The following MYBL2 variants were observed in gnomAD, a reference collection of about 807,000 sequenced individuals.
The protein encoded by MYBL2 is MYB proto-oncogene like 2, also known as myb-related protein B.
A neutral mutation model predicts 79.9 loss-of-function variants in MYBL2; 28 were observed. The ratio of observed to expected loss-of-function variants is 0.35; its 90% CI spans 0.26 to 0.48. The LOEUF is 0.48. Among genes scored for constraint, MYBL2 ranks in the 20% least tolerant of loss-of-function variants. MYBL2 has a pLI of 0.99. For missense variants in MYBL2, 735 were observed against 893.9 expected, an observed-to-expected ratio of 0.82 and a Z score of 2.27; for synonymous variants, 378 against 361.2, an observed-to-expected ratio of 1.05 and a Z score of -0.53.
At chr20:43,687,933 A>T (rs527383583) in intron 5 of MYBL2, among the ~76,000 whole-genome samples, 59 of 146,774 alleles carry the variant, frequency 4.0e-4, no homozygotes, top group Non-Finnish European at 6.7e-4. Context: ...AATTGCTTGA[A>T]CCCAGGAGGC....
chr20:43,679,118 A>G (rs928145013), intron 2 of MYBL2, among the ~76,000 whole-genome samples: 1 of 152,106 alleles, frequency 6.6e-6, no homozygotes, highest in Middle Eastern at 3.2e-3. Flanking sequence ...GGAAGCAGGT[A>G]AGAGCCTGGC....
rs1365223925 is a variant in MYBL2, at chr20:43,716,295, A to G, written c.*208A>G. 4.4e-6 allele frequency: 3 copies of G among 686,338 alleles called. No homozygotes were observed. The Admixed American group carries it at 1.0e-4, about 23-fold the overall frequency. 42.5% of individuals were successfully genotyped at this position (686,338 alleles called of 1,614,324 possible). ...GGGCGGCTCCTGGTGCTAACAACAAAGTTCCACTTCCAGGTCTGCCTGGTT... is the reference window on the plus strand; with the variant it reads ...GGGCGGCTCCTGGTGCTAACAACAAGGTTCCACTTCCAGGTCTGCCTGGTT... On this transcript the variant is annotated 3_prime_UTR_variant, in exon 14 of 14. Transcript: ENST00000217026.
chr20:43,688,427 C>G (rs1402560811), intron 5 of MYBL2, among the ~76,000 whole-genome samples: 1 of 152,022 alleles, frequency 6.6e-6, no homozygotes, highest in African/African-American at 2.4e-5. Context: ...GTCTCGAACT[C>G]TTGACCTCCT....
chr20:43,679,912 CAAA>C (rs3092365), intron 2 of MYBL2, among the ~76,000 whole-genome samples: 14 of 144,258 alleles, frequency 9.7e-5, no homozygotes, highest in Admixed American at 6.9e-5. Flanking sequence ...GACCCTATCT[CAAA>C]AAAAAAAAAA....
In MYBL2 at chr20:43,713,041, G is replaced by C; in HGVS notation, c.1759G>C (p.Ala587Pro). 6.2e-7 allele frequency: 1 copy of C among 1,613,266 alleles called. No homozygotes were observed. Among genetic ancestry groups the C allele is most frequent in the South Asian group, 1.1e-5 (1 of 90,726 alleles). The change falls in exon 12 of 14, where the codon GCT (alanine) becomes CCT (proline). Residue 587 changes from alanine to proline, a missense_variant. This residue lies in a region of MYBL2 where 204 missense variants were observed against 202.9 expected (regional missense o/e 1.01). Transcript: ENST00000217026. ...CATCAAGAAAGTCCGGAAGTCTCTGGCTCTTGACATTGTGGATGAGGATGT... is the reference window on the plus strand; with the variant it reads ...CATCAAGAAAGTCCGGAAGTCTCTGCCTCTTGACATTGTGGATGAGGATGT... The part of the protein sequence containing the change: ...SPIKKVRKSL[A>P]LDIVDEDVKL...
chr20:43,699,724 G>A (rs563412863), intron 6 of MYBL2, 33 bp from the exon 7 acceptor site: 13 of 1,609,636 alleles, frequency 8.1e-6, no homozygotes, highest in Admixed American at 3.4e-5. Flanking sequence ...ATATCTCAGC[G>A]AAATGCAAAT....
intron 13 of MYBL2, 53 bp downstream of exon 13, chr20:43,715,336 A>G: frequency 1.2e-6 from 2 of 1,609,840 alleles, no homozygotes; most frequent in Admixed American, 1.7e-5. Context: ...TTCTTAGCTC[A>G]GGGCTGAGTG....
At chr20:43,673,729 GC>G in intron 1 of MYBL2, 76 bp from the exon 2 acceptor site, 1 of 1,408,726 alleles carries the variant, frequency 7.1e-7, no homozygotes, top group South Asian at 1.2e-5. Context: ...GGGTGGGCTG[GC>G]CGCTGCCTAC....
Position 43,667,265 on chromosome 20 carries a change from C to CGCGGT in MYBL2, c.-18_-14dup. 1 of 1,222,304 alleles carries CGCGGT rather than the reference C, an allele frequency of 8.2e-7. No homozygotes were observed. The highest frequency in any genetic ancestry group is 1.0e-6 in the Non-Finnish European group (1 of 981,724). 75.7% of individuals were successfully genotyped at this position (1,222,304 alleles called of 1,614,324 possible). On this transcript the variant is annotated 5_prime_UTR_variant, in exon 1 of 14. Coordinates refer to ENST00000217026, the MANE Select transcript of MYBL2 (RefSeq NM_002466.4). ...TCTGCCGGCGGGCGGGCGAGCGCGG[C>CGCGGT]GCGGTCCGGGCCGGGGGGATGTCTC...
At chr20:43,697,593 A>T (rs1038851121) in intron 6 of MYBL2, among the ~76,000 whole-genome samples, 23 of 151,530 alleles carry the variant, frequency 1.5e-4, no homozygotes, top group African/African-American at 5.6e-4. Flanking sequence ...CCTGGGTAAC[A>T]GCAAGACTCT....
intron 2 of MYBL2, among the ~76,000 whole-genome samples, chr20:43,676,165 C>T (rs1275784850): frequency 4.6e-5 from 7 of 152,028 alleles, no homozygotes; most frequent in Non-Finnish European, 1.0e-4. Flanking sequence ...GTGATCTTCC[C>T]ACTTCAGCCT....
intron 6 of MYBL2, among the ~76,000 whole-genome samples, chr20:43,696,089 G>A (rs1239486775): frequency 2.0e-5 from 3 of 152,148 alleles, no homozygotes; most frequent in East Asian, 1.9e-4. Flanking sequence ...ATGTTAATTC[G>A]TGTATGGGAC....
At chr20:43,703,838 G>T (rs1240317382) in intron 8 of MYBL2, among the ~76,000 whole-genome samples, 1 of 152,160 alleles carries the variant, frequency 6.6e-6, no homozygotes, top group African/African-American at 2.4e-5. Context: ...GATTTGACAA[G>T]AAATTCAGCA....
chr20:43,712,229 C>T (rs1280071762), intron 11 of MYBL2, among the ~76,000 whole-genome samples: 1 of 152,168 alleles, frequency 6.6e-6, no homozygotes, highest in Admixed American at 6.5e-5. Flanking sequence ...GTGCGCGATC[C>T]CTTCGAGTCT....
rs773973927 is a variant in MYBL2 at position 43,716,112 on chromosome 20, T to C, written c.*25T>C. 3.1e-6 allele frequency: 5 copies of C among 1,601,498 alleles called. No individual in the cohort carries two copies. In the Admixed American group the frequency reaches 8.4e-5, roughly 27 times the overall value. ...AGGTGTTGAGGGTGTCACGAGCCCA[T>C]TCTCATGTTTACAGGGGTTGTGGGG... On this transcript the variant is annotated 3_prime_UTR_variant, in exon 14 of 14. Coordinates refer to ENST00000217026, the MANE Select transcript of MYBL2 (RefSeq NM_002466.4).
At chr20:43,670,919 C>A (rs191035388) in intron 1 of MYBL2, among the ~76,000 whole-genome samples, 4 of 151,692 alleles carry the variant, frequency 2.6e-5, no homozygotes, top group African/African-American at 7.3e-5. Flanking sequence ...TACTAACTTT[C>A]CTCAAGCACC....
chr20:43,679,181 C>T (rs1195960810), intron 2 of MYBL2, among the ~76,000 whole-genome samples: 1 of 152,166 alleles, frequency 6.6e-6, no homozygotes, highest in Non-Finnish European at 1.5e-5. Flanking sequence ...TGGGCTGGCT[C>T]ACCCAGAGAA....
chr20:43,707,721 C>T (rs759712098), intron 9 of MYBL2, among the ~76,000 whole-genome samples: 2 of 152,078 alleles, frequency 1.3e-5, no homozygotes, highest in Admixed American at 6.6e-5. Flanking sequence ...TTAGTTATCC[C>T]TCAAATTTGA....
At chr20:43,699,729 G>T in intron 6 of MYBL2, 28 bp from the exon 7 acceptor site, 2 of 1,611,308 alleles carry the variant, frequency 1.2e-6, no homozygotes, top group Non-Finnish European at 1.7e-6. Context: ...TCAGCGAAAT[G>T]CAAATGGTGT....
Sources: allele counts gnomAD v4.1 joint callset (sites outside exome capture counted in the v4.1 genomes callset), GRCh38; gene constraint gnomAD v4.1.1; regional missense constraint gnomAD v4.1.1; transcripts MANE v1.5; gene names NCBI Gene and HGNC (gene_info 2026-07-23, HGNC 2026-07-21).